The following MAML3 variants were observed in gnomAD, a reference collection of about 807,000 sequenced individuals.
MAML3 encodes mastermind-like protein 3.
MAML3 carries 27 observed loss-of-function variants against 101.9 expected under a neutral mutation model. The observed-to-expected ratio is 0.27, with a 90% CI of 0.20 to 0.37. MAML3 has a LOEUF of 0.37. Ranked by LOEUF, MAML3 falls within the 10% of genes least tolerant of loss-of-function variation. The pLI is 1.00. For missense variants in MAML3, 1,316 were observed against 1,444.9 expected (o/e 0.91, Z 1.45); for synonymous variants, 501 against 555.9 (o/e 0.90, Z 1.39).
intron 1 of MAML3, among the ~76,000 whole-genome samples, chr4:139,932,478 T>C (rs1733420810): frequency 6.6e-6 from 1 of 152,228 alleles, no homozygotes; most frequent in South Asian, 2.1e-4. Context: ...TATTTGCAAT[T>C]AGCATATTGA....
intron 1 of MAML3, among the ~76,000 whole-genome samples, chr4:139,999,833 G>A (rs558791769): frequency 6.6e-6 from 1 of 152,202 alleles, no homozygotes; most frequent in South Asian, 2.1e-4. Context: ...TTTAGGTTAA[G>A]CCATTTGGGG....
intron 1 of MAML3, among the ~76,000 whole-genome samples, chr4:140,143,059 G>A (rs1479145127): frequency 6.6e-6 from 1 of 152,224 alleles, no homozygotes; most frequent in Non-Finnish European, 1.5e-5. Context: ...AAGATACAAA[G>A]CATCTGACGC....
At position 139,864,938 on chromosome 4, in the gene MAML3, T is replaced by G. The variant is rs1449077329; in HGVS notation, c.2079+24419A>C. On this transcript the variant is annotated intron_variant, in intron 2 of 4. Coordinates refer to ENST00000509479, the MANE Select transcript of MAML3 (RefSeq NM_018717.5). ...TGCAAACTTGCTTTTTTTTTTTTTT[T>G]TTTTTTTTTTTTTTTGCCACAAAGC... Among the ~76,000 whole-genome samples the G allele has an allele frequency of 2.8e-3, 409 of 144,102 alleles. 10 individuals are homozygous for G. The highest frequency in any genetic ancestry group is 4.4e-3 in the Non-Finnish European group (292 of 66,022). The allele number at this position is 144,102 out of a possible 152,430, so 94.5% of individuals were successfully genotyped here.
intron 1 of MAML3, among the ~76,000 whole-genome samples, chr4:140,077,710 G>A (rs1727794352): frequency 6.6e-6 from 1 of 152,020 alleles, no homozygotes; most frequent in Non-Finnish European, 1.5e-5. Context: ...CCCTTTCTGA[G>A]CAAAGCAGGG....
At chr4:139,758,675 C>G (rs77021102) in intron 2 of MAML3, among the ~76,000 whole-genome samples, 5,762 of 152,242 alleles carry the variant, frequency 0.038, 330 homozygotes, top group African/African-American at 0.12. Flanking sequence ...TCCTGATGTC[C>G]CCGTTTATTT....
At chr4:140,110,479 T>C (rs565969957) in intron 1 of MAML3, among the ~76,000 whole-genome samples, 1 of 152,330 alleles carries the variant, frequency 6.6e-6, no homozygotes, top group South Asian at 2.1e-4. Flanking sequence ...CTGTCCGGCA[T>C]TTGCATTCAG....
At chr4:140,111,906 C>G (rs1246633045) in intron 1 of MAML3, among the ~76,000 whole-genome samples, 1 of 152,218 alleles carries the variant, frequency 6.6e-6, no homozygotes, top group Non-Finnish European at 1.5e-5. Context: ...CCTTGCCCTC[C>G]TCAGTAGTTC....
intron 1 of MAML3, among the ~76,000 whole-genome samples, chr4:139,943,401 G>C (rs952955172): frequency 6.6e-6 from 1 of 152,156 alleles, no homozygotes; most frequent in Non-Finnish European, 1.5e-5. Context: ...TGAAAATAGA[G>C]AAAAGAAGTA....
chr4:140,056,511 TAAGA>T (rs1252984299), intron 1 of MAML3, among the ~76,000 whole-genome samples: 2 of 151,810 alleles, frequency 1.3e-5, no homozygotes, highest in Non-Finnish European at 2.9e-5. Flanking sequence ...CTAGAGTCAT[TAAGA>T]AAAGGTTCTG....
At chr4:140,024,849 T>A (rs1043483952) in intron 1 of MAML3, among the ~76,000 whole-genome samples, 2 of 152,188 alleles carry the variant, frequency 1.3e-5, no homozygotes, top group African/African-American at 4.8e-5. Flanking sequence ...GCCATGAGAT[T>A]GGCTCACCTG....
intron 2 of MAML3, among the ~76,000 whole-genome samples, chr4:139,770,972 T>G (rs1578592595): frequency 6.6e-6 from 1 of 152,194 alleles, no homozygotes; most frequent in Non-Finnish European, 1.5e-5. Context: ...GATGTGGCTG[T>G]GTGCTTTAGA....
intron 1 of MAML3, among the ~76,000 whole-genome samples, chr4:139,998,500 T>C (rs1185681073): frequency 6.6e-6 from 1 of 152,246 alleles, no homozygotes; most frequent in Non-Finnish European, 1.5e-5. Context: ...TTTCAAAGTC[T>C]TTTTATACTT....
At position 139,869,942 on chromosome 4, in the gene MAML3, G is replaced by T. The variant is rs574390275; in HGVS notation, c.2079+19415C>A. 2.0e-5 allele frequency among the ~76,000 whole-genome samples: 3 copies of T among 152,322 alleles called. No individual in the cohort carries two copies. In the East Asian group the frequency reaches 5.8e-4, roughly 29 times the overall value. Reference sequence around the variant, plus strand: ...AGGCAAAATTGCATAAGGTTTAAGAGCTCAGGTTTGGATTCAAATAGGCTT... The same window carrying T: ...AGGCAAAATTGCATAAGGTTTAAGATCTCAGGTTTGGATTCAAATAGGCTT... On this transcript the variant is annotated intron_variant, in intron 2 of 4. Coordinates refer to ENST00000509479, the MANE Select transcript of MAML3 (RefSeq NM_018717.5).
At chr4:140,069,623 AAAG>A (rs1727609744) in intron 1 of MAML3, among the ~76,000 whole-genome samples, 1 of 148,566 alleles carries the variant, frequency 6.7e-6, no homozygotes, top group Non-Finnish European at 1.5e-5. Flanking sequence ...GAAGAAAAAG[AAAG>A]AAGAAAGAAG....
intron 1 of MAML3, among the ~76,000 whole-genome samples, chr4:139,937,514 G>A (rs1306583050): frequency 2.6e-5 from 4 of 151,886 alleles, no homozygotes; most frequent in Admixed American, 2.6e-4. Flanking sequence ...AGACTCCCGA[G>A]TAGCTGGGAT....
At chr4:139,840,726 G>A (rs575701467) in intron 2 of MAML3, among the ~76,000 whole-genome samples, 3 of 152,352 alleles carry the variant, frequency 2.0e-5, no homozygotes, top group Admixed American at 1.3e-4. Flanking sequence ...GTGACAGGGC[G>A]TGAGATATGT....
At chr4:139,879,639 G>C (rs531962513) in intron 2 of MAML3, among the ~76,000 whole-genome samples, 1 of 150,418 alleles carries the variant, frequency 6.6e-6, no homozygotes, top group Non-Finnish European at 1.5e-5. Context: ...AGATGTGGGC[G>C]GGGGGGTGGG....
At chr4:139,836,473 T>A (rs1046857410) in intron 2 of MAML3, among the ~76,000 whole-genome samples, 1 of 152,170 alleles carries the variant, frequency 6.6e-6, no homozygotes, top group Non-Finnish European at 1.5e-5. Flanking sequence ...TGAGAACTAT[T>A]TCCAATTCAA....
At chr4:139,822,832 A>G (rs917960707) in intron 2 of MAML3, among the ~76,000 whole-genome samples, 7 of 152,240 alleles carry the variant, frequency 4.6e-5, no homozygotes, top group African/African-American at 1.7e-4. Context: ...TTTTTCCACC[A>G]AATTGATGAC....
Sources: allele counts gnomAD v4.1 joint callset (sites outside exome capture counted in the v4.1 genomes callset), GRCh38; gene constraint gnomAD v4.1.1; transcripts MANE v1.5; gene names NCBI Gene and HGNC (gene_info 2026-07-23, HGNC 2026-07-21).